Variants in DCC observed in about 807,000 individuals in gnomAD.
The protein encoded by DCC is netrin receptor DCC.
A neutral mutation model predicts 172.5 loss-of-function variants in DCC; 58 were observed. That is an observed-to-expected ratio of 0.34 (90% CI 0.27 to 0.42). The LOEUF (loss-of-function observed/expected upper bound fraction) is 0.42. Ranked by LOEUF, DCC falls within the 10% of genes least tolerant of loss-of-function variation. The probability of loss-of-function intolerance (pLI) is 1.00; values close to 1 mark genes in which losing one functional copy is unlikely to be tolerated. For missense variants in DCC, 1,740 were observed against 1,791.0 expected, an observed-to-expected ratio of 0.97 and a Z score of 0.51; for synonymous variants, 709 against 644.5, an observed-to-expected ratio of 1.10 and a Z score of -1.52.
At chr18:53,523,778 G>A (rs2046425519) in intron 27 of DCC, among the ~76,000 whole-genome samples, 1 of 151,938 alleles carries the variant, frequency 6.6e-6, no homozygotes, top group Non-Finnish European at 1.5e-5. Flanking sequence ...GCTGGGGGAG[G>A]GATAGCATTA....
chr18:52,697,290 T>C (rs1186124200), intron 1 of DCC, among the ~76,000 whole-genome samples: 3 of 152,206 alleles, frequency 2.0e-5, no homozygotes. Flanking sequence ...ACACATGCAA[T>C]GTGGAAGTTT....
At chr18:52,684,823 G>A (rs2144998568) in intron 1 of DCC, among the ~76,000 whole-genome samples, 1 of 152,226 alleles carries the variant, frequency 6.6e-6, no homozygotes, top group African/African-American at 2.4e-5. Flanking sequence ...AACTACTAAT[G>A]ACACAAATCA....
At chr18:52,643,775 A>G (rs1266361920) in intron 1 of DCC, among the ~76,000 whole-genome samples, 1 of 152,142 alleles carries the variant, frequency 6.6e-6, no homozygotes, top group Non-Finnish European at 1.5e-5. Context: ...AAATGGGGTC[A>G]TGAGTGCCAA....
At chr18:53,025,731 T>G (rs1021842992) in intron 5 of DCC, among the ~76,000 whole-genome samples, 1 of 150,718 alleles carries the variant, frequency 6.6e-6, no homozygotes, top group South Asian at 2.1e-4. Flanking sequence ...CTGAAGATGT[T>G]TAGACTGGAG....
At chr18:53,160,691 C>G (rs1568338489) in intron 8 of DCC, among the ~76,000 whole-genome samples, 1 of 152,148 alleles carries the variant, frequency 6.6e-6, no homozygotes, top group Non-Finnish European at 1.5e-5. Context: ...ATCAGGCAGT[C>G]TCTCTCACAT....
chr18:53,125,697 A>C (rs567838213), intron 7 of DCC, among the ~76,000 whole-genome samples: 42 of 152,242 alleles, frequency 2.8e-4, no homozygotes, highest in South Asian at 4.1e-4. Flanking sequence ...CTGGAGCACC[A>C]GGCATTAGAC....
chr18:53,013,947 A>G (rs1599028625), intron 5 of DCC, among the ~76,000 whole-genome samples: 3 of 152,300 alleles, frequency 2.0e-5, no homozygotes, highest in South Asian at 4.1e-4. Context: ...ATACTTATAC[A>G]TGGTGAAGAC....
chr18:52,964,346 T>C (rs1054864135), intron 5 of DCC, among the ~76,000 whole-genome samples: 2 of 152,152 alleles, frequency 1.3e-5, no homozygotes, highest in African/African-American at 2.4e-5. Flanking sequence ...TTTCAAATTG[T>C]CCATTATTTG....
chr18:52,841,979 A>G (rs1050276176), intron 2 of DCC, among the ~76,000 whole-genome samples: 1 of 144,436 alleles, frequency 6.9e-6, no homozygotes, highest in Admixed American at 7.4e-5. Context: ...AAGTTTGAGG[A>G]TATTCCAGAA....
chr18:52,439,663 C>T (rs984276144), intron 1 of DCC, among the ~76,000 whole-genome samples: 1 of 152,176 alleles, frequency 6.6e-6, no homozygotes. Flanking sequence ...CTCTTAGGGA[C>T]ATGACCTAGG....
rs141405942 is a variant in DCC, at chr18:52,632,292, A to C, written c.92-119762A>C. Reference sequence around the variant, plus strand: ...GTTCCAAGGAAATAGGGACTATGTCAATTTTTGCTCATTGTTCTATCCTCA... The same window carrying C: ...GTTCCAAGGAAATAGGGACTATGTCCATTTTTGCTCATTGTTCTATCCTCA... On this transcript the variant is annotated intron_variant, in intron 1 of 28. Coordinates refer to ENST00000442544, the MANE Select transcript of DCC (RefSeq NM_005215.4). 1.3e-3 allele frequency among the ~76,000 whole-genome samples: 196 copies of C among 152,270 alleles called. 1 individual carries two copies. Among genetic ancestry groups the C allele is most frequent in the African/African-American group, 4.6e-3 (191 of 41,566 alleles).
At chr18:53,200,927 G>T (rs1163204860) in intron 9 of DCC, among the ~76,000 whole-genome samples, 6 of 152,148 alleles carry the variant, frequency 3.9e-5, no homozygotes, top group Admixed American at 3.9e-4. Context: ...AAAACTCTGA[G>T]TGATATGGGC....
At chr18:52,479,431 AGTTT>A (rs1228697652) in intron 1 of DCC, among the ~76,000 whole-genome samples, 2 of 152,084 alleles carry the variant, frequency 1.3e-5, no homozygotes, top group South Asian at 2.1e-4. Context: ...TGTAGCCTGT[AGTTT>A]GTTTGTGAAT....
At chr18:52,782,020 T>G (rs1294028649) in intron 2 of DCC, among the ~76,000 whole-genome samples, 1 of 152,142 alleles carries the variant, frequency 6.6e-6, no homozygotes, top group African/African-American at 2.4e-5. Flanking sequence ...GAAAATAATT[T>G]CTGAATGATA....
intron 15 of DCC, among the ~76,000 whole-genome samples, chr18:53,365,916 G>A (rs1364750834): frequency 6.6e-6 from 1 of 152,182 alleles, no homozygotes; most frequent in Non-Finnish European, 1.5e-5. Context: ...GTTTACAGAG[G>A]AAGAGCTTCT....
At chr18:52,585,812 G>A (rs553626826) in intron 1 of DCC, among the ~76,000 whole-genome samples, 69 of 152,122 alleles carry the variant, frequency 4.5e-4, no homozygotes, top group Non-Finnish European at 8.7e-4. Context: ...GGCCGGGCGC[G>A]GTGGCTCACG....
intron 5 of DCC, among the ~76,000 whole-genome samples, chr18:53,004,201 G>A (rs2143853938): frequency 6.6e-6 from 1 of 152,286 alleles, no homozygotes; most frequent in African/African-American, 2.4e-5. Flanking sequence ...CTGAAAATGT[G>A]TGAATGATTT....
chr18:52,856,452 C>T (rs1427290203), intron 2 of DCC, among the ~76,000 whole-genome samples: 6 of 150,952 alleles, frequency 4.0e-5, no homozygotes, highest in South Asian at 4.2e-4. Flanking sequence ...GGTGAAACAC[C>T]GTCTCTACTA....
At chr18:52,948,429 T>C (rs953366240) in intron 5 of DCC, among the ~76,000 whole-genome samples, 4 of 152,202 alleles carry the variant, frequency 2.6e-5, no homozygotes, top group African/African-American at 9.6e-5. Flanking sequence ...TCAATATCTT[T>C]CAAAGCTATC....
Sources: allele counts gnomAD v4.1 joint callset (sites outside exome capture counted in the v4.1 genomes callset), GRCh38; gene constraint gnomAD v4.1.1; transcripts MANE v1.5; gene names NCBI Gene and HGNC (gene_info 2026-07-23, HGNC 2026-07-21).